Variants in ZNF710 observed in about 807,000 individuals in gnomAD.
ZNF710 encodes the protein zinc finger protein 710.
ZNF710 carries 13 observed loss-of-function variants against 50.6 expected under a neutral mutation model. The observed-to-expected ratio is 0.26, with a 90% CI of 0.17 to 0.41. The LOEUF (loss-of-function observed/expected upper bound fraction) is 0.41, where lower values mean the gene tolerates loss of function less well. ZNF710 is among the 10% of genes least tolerant of loss of function. ZNF710 has a pLI of 1.00. For synonymous variants in ZNF710, 383 were observed against 397.0 expected, an observed-to-expected ratio of 0.96 and a Z score of 0.42; for missense variants, 721 against 936.6, an observed-to-expected ratio of 0.77 and a Z score of 3.01.
intron 1 of ZNF710, among the ~76,000 whole-genome samples, chr15:90,033,204 T>C (rs1246138873): frequency 6.6e-6 from 1 of 152,180 alleles, no homozygotes; most frequent in Non-Finnish European, 1.5e-5. Flanking sequence ...TCGAACAGCG[T>C]GTGGGCCAGG....
rs958812708 is a variant in ZNF710 at position 90,034,160 on chromosome 15, T to C, written c.-29+32546T>C. On this transcript the variant is annotated intron_variant, in intron 1 of 4. Coordinates refer to ENST00000268154, the MANE Select transcript of ZNF710 (RefSeq NM_198526.4). This position sits in a 1 kb window ranked among gnomAD's most constrained non-coding sequence, Gnocchi z 4.0. ...TTGCAGTGAGCCGAGATCGCATCAT[T>C]GTACTCCAGCCTGGGTGACAGAGTG... Among the ~76,000 whole-genome samples, 3 of 151,630 alleles carry C rather than the reference T, an allele frequency of 2.0e-5. No homozygotes were observed. The highest frequency in any genetic ancestry group is 2.1e-4 in the South Asian group (1 of 4,812).
intron 1 of ZNF710, among the ~76,000 whole-genome samples, chr15:90,020,033 T>C (rs1898567985): frequency 6.6e-6 from 1 of 152,172 alleles, no homozygotes; most frequent in Non-Finnish European, 1.5e-5. Context: ...AGGAAGTGCC[T>C]CTGCCCAGAC....
chr15:90,049,766 G>A (rs530274576), intron 1 of ZNF710, among the ~76,000 whole-genome samples: 128 of 152,296 alleles, frequency 8.4e-4, no homozygotes, highest in African/African-American at 3.1e-3. Context: ...CAGCCAACAG[G>A]CTGCCTTGGC....
rs1899934935 is a variant in ZNF710, at chr15:90,059,468, G to A, written c.-28-7642G>A. Reference sequence around the variant, plus strand: ...AGTTTCCTCATCTGTTAACAGGGCCGGGTATGGTGCGCATCACGGGGGTTT... The same window carrying A: ...AGTTTCCTCATCTGTTAACAGGGCCAGGTATGGTGCGCATCACGGGGGTTT... On this transcript the variant is annotated intron_variant, in intron 1 of 4. Coordinates refer to ENST00000268154, the MANE Select transcript of ZNF710 (RefSeq NM_198526.4). The surrounding 1 kb of genome is among the most constrained non-coding windows in gnomAD (Gnocchi z 4.1). Among the ~76,000 whole-genome samples the A allele has an allele frequency of 8.5e-5, 13 of 152,100 alleles. No homozygotes were observed. The South Asian group carries it at 1.5e-3, about 17-fold the overall frequency.
At chr15:90,023,892 G>A (rs534787921) in intron 1 of ZNF710, among the ~76,000 whole-genome samples, 3 of 151,986 alleles carry the variant, frequency 2.0e-5, no homozygotes, top group East Asian at 1.9e-4. Context: ...CCAGCTACTC[G>A]GGAAGCTAAG....
At chr15:90,074,449 G>T (rs1407598357) in intron 4 of ZNF710, 159 bp downstream of exon 4, 1 of 1,535,324 alleles carries the variant, frequency 6.5e-7, no homozygotes, top group Non-Finnish European at 8.7e-7. Flanking sequence ...AGGCCATGAT[G>T]ACAATAACGA....
chr15:90,050,583 C>A (rs1208104011), intron 1 of ZNF710, among the ~76,000 whole-genome samples: 4 of 152,138 alleles, frequency 2.6e-5, no homozygotes, highest in African/African-American at 9.7e-5. Flanking sequence ...TCAGTTAAAC[C>A]CCCTAACAAC....
intron 1 of ZNF710, among the ~76,000 whole-genome samples, chr15:90,007,674 G>C (rs1278296091): frequency 2.0e-5 from 3 of 150,686 alleles, no homozygotes; most frequent in Admixed American, 6.7e-5. Flanking sequence ...CACAGATCTA[G>C]TAAGCCTCAG....
chr15:90,078,198 C>T (rs557814521), intron 4 of ZNF710, among the ~76,000 whole-genome samples: 16 of 128,522 alleles, frequency 1.2e-4, no homozygotes, highest in Admixed American at 4.6e-4. Context: ...GCAACAAGAG[C>T]GAAACTCGGT....
intron 1 of ZNF710, among the ~76,000 whole-genome samples, chr15:90,030,159 G>A (rs1416736818): frequency 6.6e-6 from 1 of 150,626 alleles, no homozygotes; most frequent in African/African-American, 2.4e-5. Flanking sequence ...GTGAAACCCC[G>A]TCTCTACTAA....
intron 1 of ZNF710, among the ~76,000 whole-genome samples, chr15:90,038,613 C>T (rs536243667): frequency 4.6e-5 from 7 of 152,132 alleles, no homozygotes; most frequent in African/African-American, 1.4e-4. Context: ...AAAATGTTTT[C>T]GTATGGCTGT....
chr15:90,074,198 C>T lies in ZNF710; in HGVS notation c.1733C>T (p.Pro578Leu). ...LHAGSKPFKC[P>L]YCSSKFNLKG... Reference sequence around the variant, plus strand: ...GCCGGCAGCAAGCCCTTCAAGTGCCCCTACTGCTCCAGCAAGTTTAATCTC... The same window carrying T: ...GCCGGCAGCAAGCCCTTCAAGTGCCTCTACTGCTCCAGCAAGTTTAATCTC... Residue 578 changes from proline to leucine, a missense_variant, in exon 4 of 5, where the codon CCC becomes CTC. Pro to Leu is a moderately conservative substitution (Grantham distance 98). This residue lies in a region of ZNF710 where 326 missense variants were observed against 522.0 expected (regional missense o/e 0.62). Coordinates refer to ENST00000268154, the MANE Select transcript of ZNF710 (RefSeq NM_198526.4). 8 of 1,613,240 alleles carry T rather than the reference C, an allele frequency of 5.0e-6. No individual in the cohort carries two copies. Among genetic ancestry groups the T allele is most frequent in the Non-Finnish European group, 6.8e-6 (8 of 1,179,772 alleles).
chr15:90,067,086 T>G lies in ZNF710; in HGVS notation c.-28-24T>G. ...CTGTGCAGGAGTGAGCCAGCAATATTAACCTTCCCTTCTCCACCCACAGCG... is the reference window on the plus strand; with the variant it reads ...CTGTGCAGGAGTGAGCCAGCAATATGAACCTTCCCTTCTCCACCCACAGCG... On this transcript the variant is annotated intron_variant, in intron 1 of 4. Transcript: ENST00000268154. This position sits in a 1 kb window ranked among gnomAD's most constrained non-coding sequence, Gnocchi z 8.1. The G allele has an allele frequency of 1.3e-6, 2 of 1,538,458 alleles. No homozygotes were observed. The highest frequency in any genetic ancestry group is 1.8e-6 in the Non-Finnish European group (2 of 1,142,770).
At chr15:90,025,096 G>A (rs544292070) in intron 1 of ZNF710, 19 of 152,322 alleles carry the variant, frequency 1.2e-4, no homozygotes, top group African/African-American at 4.6e-4. Context: ...ATGACAGTAA[G>A]CAGGGGAAGC....
chr15:90,043,385 G>A (rs1899360548), intron 1 of ZNF710, among the ~76,000 whole-genome samples: 1 of 152,198 alleles, frequency 6.6e-6, no homozygotes, highest in Admixed American at 6.5e-5. Flanking sequence ...GGACCCTATG[G>A]GAGGAGGCCA....
In ZNF710 at chr15:90,080,137, T is replaced by C. The variant is rs536849557; in HGVS notation, c.*308T>C. The C allele has an allele frequency of 1.0e-4, 28 of 275,314 alleles. No individual in the cohort carries two copies. The South Asian group carries it at 1.6e-3, about 16-fold the overall frequency. The allele number at this position is 275,314 out of a possible 1,614,324, so 17.1% of individuals were successfully genotyped here. A position where few individuals can be genotyped will look rare whatever the true frequency, so the allele number is the denominator to read the frequency against. ...GAGAAGTGGGGCCACTGGGGACAGG[T>C]CACAAGGGCACCGGCCCTCGGGGTC... On this transcript the variant is annotated 3_prime_UTR_variant, in exon 5 of 5. Coordinates refer to ENST00000268154, the MANE Select transcript of ZNF710 (RefSeq NM_198526.4).
At chr15:90,002,093 G>A (rs1288086168) in intron 1 of ZNF710, among the ~76,000 whole-genome samples, 1 of 151,300 alleles carries the variant, frequency 6.6e-6, no homozygotes, top group East Asian at 2.0e-4. Context: ...GCACGTGGGT[G>A]TCCCGGTGCT....
At chr15:90,047,708 C>T (rs1172494835) in intron 1 of ZNF710, among the ~76,000 whole-genome samples, 5 of 151,724 alleles carry the variant, frequency 3.3e-5, no homozygotes, top group African/African-American at 4.8e-5. Flanking sequence ...CCTCAGCCTC[C>T]GAGTAGCTGG....
At chr15:90,037,676 A>G (rs1018979658) in intron 1 of ZNF710, among the ~76,000 whole-genome samples, 6 of 152,266 alleles carry the variant, frequency 3.9e-5, no homozygotes, top group African/African-American at 1.2e-4. Context: ...TGACCCAAGC[A>G]TGCCACAATT....
Sources: allele counts gnomAD v4.1 joint callset (sites outside exome capture counted in the v4.1 genomes callset), GRCh38; gene constraint gnomAD v4.1.1; regional missense constraint gnomAD v4.1.1; non-coding constraint Gnocchi (gnomAD v3.1); transcripts MANE v1.5; gene names NCBI Gene and HGNC (gene_info 2026-07-23, HGNC 2026-07-21).